SLC15A1: variants seen among roughly 807,000 people sequenced by gnomAD.
SLC15A1 encodes Caco-2 oligopeptide transporter.
A neutral mutation model predicts 92.9 loss-of-function variants in SLC15A1; 83 were observed. That is an observed-to-expected ratio of 0.89 (90% CI 0.75 to 1.07). The LOEUF is 1.07. Among genes scored for constraint, SLC15A1 ranks in the 50% least tolerant of loss-of-function variants. SLC15A1 has a pLI of 0.00. For synonymous variants in SLC15A1, 322 were observed against 318.2 expected (o/e 1.01, Z -0.13); for missense variants, 857 against 880.1 (o/e 0.97, Z 0.33).
chr13:98,703,512 A>G (rs2088086275), intron 17 of SLC15A1, among the ~76,000 whole-genome samples: 3 of 144,732 alleles, frequency 2.1e-5, no homozygotes, highest in South Asian at 2.2e-4. Context: ...ATTTAGCTCA[A>G]CTATACCTTT....
At chr13:98,706,579 G>A (rs1377844090) in intron 15 of SLC15A1, among the ~76,000 whole-genome samples, 8 of 152,192 alleles carry the variant, frequency 5.3e-5, no homozygotes, top group Non-Finnish European at 1.0e-4. Flanking sequence ...TACTGTTCTT[G>A]TGGTAGTGAG....
chr13:98,741,760 G>A (rs764847992), intron 1 of SLC15A1, among the ~76,000 whole-genome samples: 31 of 150,320 alleles, frequency 2.1e-4, no homozygotes, highest in Non-Finnish European at 4.1e-4. Flanking sequence ...CCTTTTCCAC[G>A]GCTACTTTCT....
At chr13:98,747,047 A>C (rs997660106) in intron 1 of SLC15A1, among the ~76,000 whole-genome samples, 1 of 152,140 alleles carries the variant, frequency 6.6e-6, no homozygotes, top group African/African-American at 2.4e-5. Flanking sequence ...ACCCCGGCTG[A>C]CACAGCCTCC....
chr13:98,742,686 G>C (rs1263085409), intron 1 of SLC15A1, among the ~76,000 whole-genome samples: 2 of 152,182 alleles, frequency 1.3e-5, no homozygotes, highest in African/African-American at 4.8e-5. Context: ...CGTCTTGTAA[G>C]AACATCACCT....
At chr13:98,730,518 G>A (rs2088342045) in intron 1 of SLC15A1, among the ~76,000 whole-genome samples, 2 of 152,178 alleles carry the variant, frequency 1.3e-5, no homozygotes, top group African/African-American at 4.8e-5. Context: ...AGTCAGCCCT[G>A]CGGCCGAGTT....
Position 98,688,368 on chromosome 13 carries a change from A to G in SLC15A1, c.1575-12T>C, listed in dbSNP as rs781324294. ...TTGTGAAGCCTTTTCTATCAAAATA[A>G]AGAATAATATTGGTTAACATTCTTG... is the stretch of plus-strand genomic sequence containing the variant. On this transcript the variant is annotated splice_polypyrimidine_tract_variant and intron_variant, in intron 19 of 22. Coordinates refer to ENST00000376503, the MANE Select transcript of SLC15A1 (RefSeq NM_005073.4). The G allele has an allele frequency of 6.2e-7, 1 of 1,610,694 alleles. No homozygotes were observed. The highest frequency in any genetic ancestry group is 8.5e-7 in the Non-Finnish European group (1 of 1,177,868).
At position 98,697,892 on chromosome 13, in the gene SLC15A1, C is replaced by T. The variant is rs183052127; in HGVS notation, c.1466+4588G>A. Among the ~76,000 whole-genome samples, 14 of 152,238 alleles carry T rather than the reference C, an allele frequency of 9.2e-5. No homozygotes were observed. The East Asian group carries it at 9.6e-4, about 10-fold the overall frequency. On this transcript the variant is annotated intron_variant, in intron 18 of 22. Transcript: ENST00000376503. ...CTACCAGGATAGTGGTTCAGCAGGACGACAGAGCCAGTGCTCCTGTTAGCT... is the reference window on the plus strand; with the variant it reads ...CTACCAGGATAGTGGTTCAGCAGGATGACAGAGCCAGTGCTCCTGTTAGCT...
chr13:98,726,512 G>A (rs749194560), intron 2 of SLC15A1, 63 bp from the exon 3 acceptor site: 1 of 1,467,130 alleles, frequency 6.8e-7, no homozygotes, highest in Admixed American at 1.8e-5. Context: ...AGCCACAAAG[G>A]AGCACCAGTG....
rs771970613 is a variant in SLC15A1, at chr13:98,712,532, T to C, written c.776A>G (p.Glu259Gly). 5.6e-6 allele frequency: 9 copies of C among 1,611,800 alleles called. No homozygotes were observed. The African/African-American group carries it at 8.0e-5, about 14-fold the overall frequency. The change falls in exon 10 of 23, where the codon GAG becomes GGG. Residue 259 changes from glutamate to glycine, a missense_variant. Glu to Gly is a moderately conservative substitution (Grantham distance 98, BLOSUM62 -2). Transcript: ENST00000376503. Reference protein sequence around the residue: ...RHRSKAFPKREHWLDWAKEKY... With the variant: ...RHRSKAFPKRGHWLDWAKEKY... ...CTCTTTAGCCCAGTCCAGCCAGTGCTCCCTCTTGGGAAATGCCTTACTCCG... is the reference window on the plus strand; with the variant it reads ...CTCTTTAGCCCAGTCCAGCCAGTGCCCCCTCTTGGGAAATGCCTTACTCCG...
chr13:98,719,135 TG>T, intron 8 of SLC15A1, 101 bp downstream of exon 8: 1 of 744,272 alleles, frequency 1.3e-6, no homozygotes, highest in East Asian at 2.6e-5. Context: ...CACTACTTTT[TG>T]TTGCCACTTG....
At chr13:98,702,650 T>G (rs1317605702) in intron 17 of SLC15A1, 121 bp from the exon 18 acceptor site, 1 of 810,436 alleles carries the variant, frequency 1.2e-6, no homozygotes, top group Non-Finnish European at 2.1e-6. Context: ...CCTAAGGACA[T>G]GGTTACATTA....
chr13:98,690,359 C>T (rs571703223), intron 18 of SLC15A1, among the ~76,000 whole-genome samples: 1 of 152,058 alleles, frequency 6.6e-6, no homozygotes, highest in Non-Finnish European at 1.5e-5. Context: ...GAAAATGGAA[C>T]CTGAGACAGA....
chr13:98,687,378 C>G lies in SLC15A1; in HGVS notation c.1827+203G>C, dbSNP rs186946716. 2.0e-5 allele frequency among the ~76,000 whole-genome samples: 3 copies of G among 152,148 alleles called. No individual in the cohort carries two copies. The South Asian group carries it at 6.2e-4, about 32-fold the overall frequency. On this transcript the variant is annotated intron_variant, in intron 21 of 22. Transcript: ENST00000376503. ...CTATGGACACATGTGAACACGTGCTCTTGCAAAGTTCAAGACAGTAATAAT... is the reference window on the plus strand; with the variant it reads ...CTATGGACACATGTGAACACGTGCTGTTGCAAAGTTCAAGACAGTAATAAT...
chr13:98,737,043 C>T (rs1025829047), intron 1 of SLC15A1, among the ~76,000 whole-genome samples: 5 of 152,128 alleles, frequency 3.3e-5, no homozygotes, highest in Non-Finnish European at 7.3e-5. Context: ...CACATGCACA[C>T]GTATGTTTAT....
intron 18 of SLC15A1, among the ~76,000 whole-genome samples, chr13:98,695,020 C>CAAA (rs1170231960): frequency 0.05 from 3,621 of 72,948 alleles, 377 homozygotes; most frequent in Middle Eastern, 0.089. Context: ...GACTCCGTCT[C>CAAA]AAAAAAAAAA....
chr13:98,717,993 A>G (rs2139588437), intron 8 of SLC15A1, among the ~76,000 whole-genome samples: 1 of 151,874 alleles, frequency 6.6e-6, no homozygotes, highest in East Asian at 1.9e-4. Context: ...GAATGCCTCG[A>G]ATAGACATAT....
Position 98,721,375 on chromosome 13 carries a change from C to T in SLC15A1, c.556+120G>A, listed in dbSNP as rs766329212. ...TTACTCCAGATTCCAACGTGCATCC[C>T]AGCATGTAGCTGACAGCTAGAAAAC... On this transcript the variant is annotated intron_variant, in intron 7 of 22. Coordinates refer to ENST00000376503, the MANE Select transcript of SLC15A1 (RefSeq NM_005073.4). 70 of 754,962 alleles carry T rather than the reference C, an allele frequency of 9.3e-5. No individual in the cohort carries two copies. The Admixed American group carries it at 1.4e-3, about 15-fold the overall frequency. 46.8% of individuals were successfully genotyped at this position (754,962 alleles called of 1,614,324 possible).
At chr13:98,700,210 C>T (rs915343549) in intron 18 of SLC15A1, among the ~76,000 whole-genome samples, 14 of 151,872 alleles carry the variant, frequency 9.2e-5, no homozygotes, top group East Asian at 1.9e-4. Context: ...AGTGTAGGCC[C>T]GCACAGTGGC....
At chr13:98,723,795 G>A in intron 5 of SLC15A1, 117 bp downstream of exon 5, 2 of 1,408,090 alleles carry the variant, frequency 1.4e-6, no homozygotes, top group African/African-American at 1.4e-5. Flanking sequence ...GCTGCCCAAG[G>A]GGGAGGAAAA....
Sources: gnomAD v4.1 joint callset for allele counts (sites outside exome capture counted in the v4.1 genomes callset) on GRCh38, gnomAD v4.1.1 for gene constraint, MANE v1.5 for transcripts, NCBI Gene and HGNC (gene_info 2026-07-23, HGNC 2026-07-21) for gene names.